The following STK3 variants were observed in gnomAD, a reference collection of about 807,000 sequenced individuals.
STK3 encodes serine/threonine kinase 3.
STK3 carries 41 observed loss-of-function variants against 58.0 expected under a neutral mutation model. That is an observed-to-expected ratio of 0.71 (90% CI 0.55 to 0.92). The LOEUF is 0.92. Among genes scored for constraint, STK3 ranks in the 40% least tolerant of loss-of-function variants. STK3 has a pLI of 0.00. For synonymous variants in STK3, 170 were observed against 191.0 expected, an observed-to-expected ratio of 0.89 and a Z score of 0.91; for missense variants, 479 against 602.7, an observed-to-expected ratio of 0.79 and a Z score of 2.15.
At chr8:98,561,117 C>T (rs376863757) in intron 8 of STK3, among the ~76,000 whole-genome samples, 29 of 152,168 alleles carry the variant, frequency 1.9e-4, no homozygotes, top group Middle Eastern at 6.8e-3. Flanking sequence ...GTAATCAAAA[C>T]AGCACAGTAC....
downstream of STK3, chr8:98,881,150 G>A (rs575140834): frequency 1.1e-4 from 16 of 152,208 alleles, 1 homozygote; most frequent in South Asian, 3.3e-3. Context: ...TATGTGAATG[G>A]ACAGGCTGTA....
chr8:98,554,301 G>C (rs1811433635), intron 8 of STK3, among the ~76,000 whole-genome samples: 1 of 152,116 alleles, frequency 6.6e-6, no homozygotes, highest in Admixed American at 6.6e-5. Flanking sequence ...GTTGCAACCA[G>C]TTTATTCCCA....
chr8:98,801,938 G>A (rs984015071), intron 1 of STK3, among the ~76,000 whole-genome samples: 3 of 152,160 alleles, frequency 2.0e-5, no homozygotes, highest in African/African-American at 7.2e-5. Context: ...TTGGAAGGTC[G>A]AGGTGAAATG....
chr8:98,894,442 C>G (rs1395728220), intron 1 of STK3, among the ~76,000 whole-genome samples: 1 of 152,228 alleles, frequency 6.6e-6, no homozygotes, highest in Non-Finnish European at 1.5e-5. Flanking sequence ...TCCACTAGAA[C>G]ATAAACTGTC....
At chr8:98,730,052 C>G (rs1828064224) in intron 4 of STK3, among the ~76,000 whole-genome samples, 1 of 152,122 alleles carries the variant, frequency 6.6e-6, no homozygotes, top group South Asian at 2.1e-4. Context: ...TAGAAAAGTA[C>G]CTGGCACATA....
intron 10 of STK3, among the ~76,000 whole-genome samples, chr8:98,463,979 A>G (rs949022855): frequency 6.6e-6 from 1 of 152,182 alleles, no homozygotes; most frequent in Non-Finnish European, 1.5e-5. Flanking sequence ...CAAACAGTCA[A>G]TCAAGAGAAT....
rs769732427 is a variant in STK3 at position 98,455,956 on chromosome 8, T to C, written c.1362A>G (p.Ala454=). The change falls in exon 11 of 11, where the codon GCA becomes GCG. Residue 454 remains alanine (A), a synonymous_variant. Coordinates refer to ENST00000419617, the MANE Select transcript of STK3 (RefSeq NM_006281.4). ...TCTCCCGTTCCATCATGGGGTCCAG[T>C]GCTTTTAACCGCATCTGTAGTTCTT... The part of the protein sequence containing the change: ...SLEELQMRLK[A]LDPMMEREIE... 1.2e-6 allele frequency: 2 copies of C among 1,612,976 alleles called. No homozygotes were observed. Among genetic ancestry groups the C allele is most frequent in the Admixed American group, 1.7e-5 (1 of 59,882 alleles).
intron 10 of STK3, among the ~76,000 whole-genome samples, chr8:98,464,441 T>C (rs1157653235): frequency 6.8e-6 from 1 of 146,032 alleles, no homozygotes; most frequent in Non-Finnish European, 1.5e-5. Context: ...CTAGTAAAAA[T>C]CCAGTCAGGT....
intron 3 of STK3, among the ~76,000 whole-genome samples, chr8:98,404,049 C>A (rs1817969664): frequency 6.6e-6 from 1 of 152,204 alleles, no homozygotes; most frequent in Non-Finnish European, 1.5e-5. Context: ...GAGGTCAGCC[C>A]AAGATTGAGG....
At chr8:98,361,813 A>G in the STK3 span, among the ~76,000 whole-genome samples, 1 of 152,178 alleles carries the variant, frequency 6.6e-6, no homozygotes, top group Admixed American at 6.5e-5. Flanking sequence ...GGTTGGAGAG[A>G]GCTGCAGGGA....
intron 9 of STK3, among the ~76,000 whole-genome samples, chr8:98,544,826 AAAC>A (rs1810570153): frequency 6.6e-6 from 1 of 152,142 alleles, no homozygotes; most frequent in Non-Finnish European, 1.5e-5. Flanking sequence ...TTATCTGGAG[AAAC>A]AACAGATACA....
intron 3 of STK3, among the ~76,000 whole-genome samples, chr8:98,766,750 G>A (rs775853338): frequency 9.2e-5 from 14 of 152,154 alleles, no homozygotes; most frequent in Non-Finnish European, 1.9e-4. Context: ...GCTGCAAAGA[G>A]CTGTAAGTCC....
chr8:98,774,301 T>C (rs1486183170), intron 2 of STK3, among the ~76,000 whole-genome samples: 11 of 152,210 alleles, frequency 7.2e-5, no homozygotes, highest in Non-Finnish European at 1.0e-4. Context: ...CAACTATTCT[T>C]CTGCCTATAT....
At chr8:98,586,075 G>C (rs1214502622) in intron 7 of STK3, among the ~76,000 whole-genome samples, 2 of 152,008 alleles carry the variant, frequency 1.3e-5, no homozygotes, top group Non-Finnish European at 2.9e-5. Flanking sequence ...TTTTCTAATT[G>C]AATACCCTTG....
chr8:98,598,437 C>T (rs865999332), intron 6 of STK3: 89 of 979,972 alleles, frequency 9.1e-5, no homozygotes, highest in Non-Finnish European at 1.0e-4. Context: ...TAAGTCTTAG[C>T]GTATGATCTA....
At chr8:98,567,266 C>T (rs535854605) in intron 8 of STK3, among the ~76,000 whole-genome samples, 80 of 152,264 alleles carry the variant, frequency 5.3e-4, no homozygotes, top group Middle Eastern at 3.4e-3. Context: ...GGCGCAAAGT[C>T]GACTCAATGC....
At chr8:98,346,645 T>A in the STK3 span, among the ~76,000 whole-genome samples, 1 of 151,800 alleles carries the variant, frequency 6.6e-6, no homozygotes, top group South Asian at 2.1e-4. Flanking sequence ...ACAGCAGATT[T>A]CTCCTTGGGA....
intron 6 of STK3, among the ~76,000 whole-genome samples, chr8:98,690,663 C>T (rs1824336841): frequency 6.6e-6 from 1 of 152,090 alleles, no homozygotes; most frequent in South Asian, 2.1e-4. Context: ...ATCAAACTAC[C>T]ATCATCATTT....
intron 6 of STK3, among the ~76,000 whole-genome samples, chr8:98,695,450 G>C (rs1163700067): frequency 6.6e-6 from 1 of 152,106 alleles, no homozygotes; most frequent in Non-Finnish European, 1.5e-5. Flanking sequence ...GTAATGCCTA[G>C]GTTTTCTTCT....
Sources: gnomAD v4.1 joint callset for allele counts (sites outside exome capture counted in the v4.1 genomes callset) on GRCh38, gnomAD v4.1.1 for gene constraint, MANE v1.5 for transcripts, NCBI Gene and HGNC (gene_info 2026-07-23, HGNC 2026-07-21) for gene names.